Variants in PIEZO2 observed in about 807,000 individuals in gnomAD.
PIEZO2 encodes the protein piezo type mechanosensitive ion channel component 2.
Under a neutral mutation model 337.3 loss-of-function variants are expected in PIEZO2, and 172 were observed. The observed-to-expected ratio is 0.51, with a 90% CI of 0.45 to 0.58. The LOEUF is 0.58. Ranked by LOEUF, PIEZO2 falls within the 20% of genes least tolerant of loss-of-function variation. The probability of loss-of-function intolerance (pLI) is 0.00; values close to 1 mark genes in which losing one functional copy is unlikely to be tolerated. For synonymous variants in PIEZO2, 1,251 were observed against 1,228.5 expected (o/e 1.02, Z -0.38); for missense variants, 3,028 against 3,391.3 (o/e 0.89, Z 2.66).
chr18:11,078,164 C>T lies in PIEZO2; in HGVS notation c.65-11942G>A, dbSNP rs1012733171. On this transcript the variant is annotated intron_variant, in intron 1 of 55. Coordinates refer to ENST00000674853, the MANE Select transcript of PIEZO2 (RefSeq NM_001378183.1). The surrounding 1 kb of genome is among the most constrained non-coding windows in gnomAD (Gnocchi z 5.3). ...CACACTCACCACACACACACATACA[C>T]ACACCACACACACATACACACACAC... 6.6e-6 allele frequency among the ~76,000 whole-genome samples: 1 copy of T among 151,820 alleles called. No homozygotes were observed. Among genetic ancestry groups the T allele is most frequent in the African/African-American group, 2.4e-5 (1 of 41,290 alleles).
rs2038270524 is a variant in PIEZO2 at position 11,069,694 on chromosome 18, A to T, written c.65-3472T>A. Among the ~76,000 whole-genome samples the T allele has an allele frequency of 6.6e-6, 1 of 152,250 alleles. No individual in the cohort carries two copies. The highest frequency in any genetic ancestry group is 2.1e-4 in the South Asian group (1 of 4,830). ...TAGGCAGAGGAATTAGGCAAGAAAA[A>T]GAAATCAATACATCAAAATTGGAAA... is the stretch of plus-strand genomic sequence containing the variant. On this transcript the variant is annotated intron_variant, in intron 1 of 55. Transcript: ENST00000674853. This position sits in a 1 kb window ranked among gnomAD's most constrained non-coding sequence, Gnocchi z 4.9.
chr18:11,051,833 A>G (rs77153537), intron 2 of PIEZO2, among the ~76,000 whole-genome samples: 5,005 of 152,324 alleles, frequency 0.033, 110 homozygotes, highest in African/African-American at 0.065. Flanking sequence ...TCAAAAACTA[A>G]GAATTTATGA....
intron 3 of PIEZO2, among the ~76,000 whole-genome samples, chr18:10,977,001 A>ATGTGTGTGTGTGTG (rs59666101): frequency 0.018 from 2,580 of 142,838 alleles, 35 homozygotes; most frequent in Non-Finnish European, 0.023. Context: ...AAGAACAAAT[A>ATGTGTGTGTGTGTG]TGTGTGTGTG....
rs1379590953 is a variant in PIEZO2, at chr18:10,982,938, C to G, written c.161-3278G>C. Among the ~76,000 whole-genome samples the G allele has an allele frequency of 6.6e-6, 1 of 152,072 alleles. No homozygotes were observed. The highest frequency in any genetic ancestry group is 6.6e-5 in the Admixed American group (1 of 15,266). ...GTTTTGCCATGTTGGCCAGTTTGGTCTCAAACTCCTGACCTCAAGAGATCC... is the reference window on the plus strand; with the variant it reads ...GTTTTGCCATGTTGGCCAGTTTGGTGTCAAACTCCTGACCTCAAGAGATCC... On this transcript the variant is annotated intron_variant, in intron 2 of 55. Transcript: ENST00000674853. This position sits in a 1 kb window ranked among gnomAD's most constrained non-coding sequence, Gnocchi z 4.1.
At chr18:11,084,477 G>C (rs536698718) in intron 1 of PIEZO2, among the ~76,000 whole-genome samples, 1 of 152,054 alleles carries the variant, frequency 6.6e-6, no homozygotes, top group Non-Finnish European at 1.5e-5. Context: ...CAGGAGGAGC[G>C]GGTTGTGTAG....
chr18:10,688,067 C>T (rs975199761), intron 49 of PIEZO2, among the ~76,000 whole-genome samples: 4 of 152,084 alleles, frequency 2.6e-5, no homozygotes, highest in South Asian at 4.1e-4. Flanking sequence ...TATACATGTG[C>T]CGTGGTGGTT....
At chr18:10,842,944 C>T (rs1285954700) in intron 7 of PIEZO2, among the ~76,000 whole-genome samples, 3 of 152,132 alleles carry the variant, frequency 2.0e-5, no homozygotes, top group Non-Finnish European at 4.4e-5. Flanking sequence ...AAGTATCTTG[C>T]TTCTCATTTT....
intron 1 of PIEZO2, among the ~76,000 whole-genome samples, chr18:11,085,286 C>T (rs2038873707): frequency 6.6e-6 from 1 of 152,134 alleles, no homozygotes; most frequent in Admixed American, 6.6e-5. Flanking sequence ...CTACCTGGCC[C>T]CAGCATTCCA....
At chr18:10,900,788 C>T (rs77317628) in intron 4 of PIEZO2, among the ~76,000 whole-genome samples, 6,050 of 152,246 alleles carry the variant, frequency 0.04, 167 homozygotes, top group Non-Finnish European at 0.059. Context: ...TAGACGTGCT[C>T]CTACTTCTGC....
rs772083816 is a variant in PIEZO2, at chr18:10,801,428, G to A, written c.1201C>T (p.Leu401Phe). 8 of 1,505,046 alleles carry A rather than the reference G, an allele frequency of 5.3e-6. No homozygotes were observed. In the African/African-American group the frequency reaches 8.3e-5, roughly 16 times the overall value. The allele number at this position is 1,505,046 out of a possible 1,614,324, so 93.2% of individuals were successfully genotyped here. The stretch of plus-strand genomic sequence containing the variant: ...TAGTCATCCTGGGTCATGGATAAAA[G>A]CTGCAAAAAGCAATGCGGGAAAGCA... ...ATHYPTDERK[L>F]LSMTQDDYKP... The change falls in exon 10 of 56, where the codon CTT becomes TTT. Residue 401 changes from leucine to phenylalanine, a missense_variant and splice_region_variant. Physicochemically the swap from Leu to Phe is conservative, Grantham distance 22. Coordinates refer to ENST00000674853, the MANE Select transcript of PIEZO2 (RefSeq NM_001378183.1).
intron 4 of PIEZO2, among the ~76,000 whole-genome samples, chr18:10,874,587 C>G (rs1417986512): frequency 6.6e-6 from 1 of 151,964 alleles, no homozygotes; most frequent in African/African-American, 2.4e-5. Context: ...ACTCAAGAAT[C>G]AGGGATCAAG....
At chr18:10,696,044 G>A in intron 47 of PIEZO2, 30 bp downstream of exon 47, 1 of 1,577,582 alleles carries the variant, frequency 6.3e-7, no homozygotes, top group Non-Finnish European at 8.7e-7. Context: ...ATGGAGGCAG[G>A]TTGGTGCCTC....
At chr18:10,810,066 C>T (rs986862563) in intron 7 of PIEZO2, among the ~76,000 whole-genome samples, 3 of 152,084 alleles carry the variant, frequency 2.0e-5, no homozygotes, top group South Asian at 2.1e-4. Context: ...ATCCTAGGCC[C>T]GATTCTACTG....
rs1222667445 is a variant in PIEZO2 at position 10,980,553 on chromosome 18, A to G, written c.161-893T>C. On this transcript the variant is annotated intron_variant, in intron 2 of 55. Transcript: ENST00000674853. This position sits in a 1 kb window ranked among gnomAD's most constrained non-coding sequence, Gnocchi z 4.8. ...GATAAGAGATACAATGAAGATTGTTAACTAGACTTATTTGCAGATAATATG... is the reference window on the plus strand; with the variant it reads ...GATAAGAGATACAATGAAGATTGTTGACTAGACTTATTTGCAGATAATATG... 6.6e-6 allele frequency among the ~76,000 whole-genome samples: 1 copy of G among 152,202 alleles called. No homozygotes were observed. The highest frequency in any genetic ancestry group is 1.5e-5 in the Non-Finnish European group (1 of 68,032).
chr18:10,751,323 A>C (rs913737154), intron 28 of PIEZO2, among the ~76,000 whole-genome samples: 1 of 152,226 alleles, frequency 6.6e-6, no homozygotes, highest in Non-Finnish European at 1.5e-5. Flanking sequence ...TTTCCCAAGC[A>C]TGGCTGTGAA....
Position 10,697,801 on chromosome 18 carries a change from A to G in PIEZO2, c.6774T>C (p.Tyr2258=). The G allele has an allele frequency of 2.5e-6, 4 of 1,614,226 alleles. No homozygotes were observed. The South Asian group carries it at 4.4e-5, about 18-fold the overall frequency. Residue 2258 remains tyrosine, a synonymous_variant, in exon 45 of 56, where the codon TAT becomes TAC. Coordinates refer to ENST00000674853, the MANE Select transcript of PIEZO2 (RefSeq NM_001378183.1). Reference sequence around the variant, plus strand: ...TTAAATGTTCTTGAAGCTTTTCCATATAAAGTTCCCTTTTGCCTTTTTGCT... The same window carrying G: ...TTAAATGTTCTTGAAGCTTTTCCATGTAAAGTTCCCTTTTGCCTTTTTGCT... ...SIKQKGKREL[Y]MEKLQEHLIK...
intron 3 of PIEZO2, among the ~76,000 whole-genome samples, chr18:10,971,925 C>T (rs2034252607): frequency 6.6e-6 from 1 of 152,008 alleles, no homozygotes; most frequent in Non-Finnish European, 1.5e-5. Flanking sequence ...GCACTTTTTG[C>T]CTCTGGGACT....
Position 10,798,014 on chromosome 18 carries a change from A to G in PIEZO2, c.1379-492T>C, listed in dbSNP as rs548473174. ...CAGCTACCATGCTGTAAACAGCCCTATGGGGAGCCCCAGGTGTGAGAACTG... is the reference window on the plus strand; with the variant it reads ...CAGCTACCATGCTGTAAACAGCCCTGTGGGGAGCCCCAGGTGTGAGAACTG... On this transcript the variant is annotated intron_variant, in intron 11 of 55. Transcript: ENST00000674853. 2.1e-4 allele frequency among the ~76,000 whole-genome samples: 32 copies of G among 152,336 alleles called. 1 individual carries two copies. Among genetic ancestry groups the G allele is most frequent in the African/African-American group, 7.7e-4 (32 of 41,584 alleles).
intron 2 of PIEZO2, among the ~76,000 whole-genome samples, chr18:11,000,545 C>T (rs923282405): frequency 6.6e-6 from 1 of 152,162 alleles, no homozygotes. Flanking sequence ...CCAGCATCAC[C>T]AGTCGCCACT....
Sources: allele counts gnomAD v4.1 joint callset (sites outside exome capture counted in the v4.1 genomes callset), GRCh38; gene constraint gnomAD v4.1.1; non-coding constraint Gnocchi (gnomAD v3.1); transcripts MANE v1.5; gene names NCBI Gene and HGNC (gene_info 2026-07-23, HGNC 2026-07-21).